The following CPNE7 variants were observed in gnomAD, a reference collection of about 807,000 sequenced individuals.
CPNE7 encodes the protein copine 7, also known as copine-7.
In CPNE7, 78 loss-of-function variants were observed where a neutral mutation model predicts 66.5. The observed-to-expected ratio is 1.17, with a 90% CI of 0.98 to 1.42. The LOEUF (loss-of-function observed/expected upper bound fraction) is 1.42, where lower values mean the gene tolerates loss of function less well. Among genes scored for constraint, CPNE7 ranks in the 40% most tolerant of loss-of-function variants. The pLI, the probability that CPNE7 is intolerant of heterozygous loss-of-function variation, is 0.00. For synonymous variants in CPNE7, 468 were observed against 336.7 expected (o/e 1.39, Z -4.27); for missense variants, 1,012 against 776.6 (o/e 1.30, Z -3.60).
intron 2 of CPNE7, among the ~76,000 whole-genome samples, chr16:89,578,674 C>G (rs1001851079): frequency 6.7e-6 from 1 of 149,558 alleles, no homozygotes; most frequent in Non-Finnish European, 1.5e-5. Context: ...GCAGGAGAAT[C>G]GGTTGAACCC....
chr16:89,596,448 A>G, intron 14 of CPNE7, 36 bp from the exon 15 acceptor site: 1 of 1,577,106 alleles, frequency 6.3e-7, no homozygotes, highest in Non-Finnish European at 8.6e-7. Context: ...TCCATCTCGA[A>G]GGTCCCAGAG....
chr16:89,588,877 TC>T (rs1246314608), intron 10 of CPNE7, 69 bp downstream of exon 10: 38 of 1,576,174 alleles, frequency 2.4e-5, no homozygotes, highest in Non-Finnish European at 3.1e-5. Flanking sequence ...CTGGCCGTCT[TC>T]CCCCTCACCC....
Position 89,587,060 on chromosome 16 carries a change from C to G in CPNE7, c.885C>G (p.Ser295=), listed in dbSNP as rs748223684. The G allele has an allele frequency of 1.9e-6, 3 of 1,580,318 alleles. No individual in the cohort carries two copies. The South Asian group carries it at 3.5e-5, about 18-fold the overall frequency. Residue 295 remains serine, a synonymous_variant, in exon 9 of 15, where the codon TCC becomes TCG. Coordinates refer to ENST00000319518, the MANE Select transcript of CPNE7 (RefSeq NM_153636.3). ...LADLKFHRVY[S]FLDYIMGGCQ... ...GCCGGAAGTTCCACAGGGTGTACTC[C>G]TTCCTGGACTATATCATGGGCGGCT...
chr16:89,595,477 C>T lies in CPNE7; in HGVS notation c.1413C>T (p.Gly471=), dbSNP rs757045883. 41 of 1,612,342 alleles carry T rather than the reference C, an allele frequency of 2.5e-5. No individual in the cohort carries two copies. Among genetic ancestry groups the T allele is most frequent in the African/African-American group, 1.5e-4 (11 of 74,934 alleles). ...TGCCCATGTCCATCATCATCGTGGG[C>T]GTGGGCAACGCCGACTTCACCGACA... ...SRLPMSIIIV[G]VGNADFTDMQ... is the part of the protein sequence containing the mutation. Residue 471 remains glycine (G), a synonymous_variant, in exon 14 of 15, where the codon GGC becomes GGT. Coordinates refer to ENST00000319518, the MANE Select transcript of CPNE7 (RefSeq NM_153636.3).
At chr16:89,587,185 C>CGCCCCCTCAGTCTGTGGCCCCGCCCA in intron 9 of CPNE7, 83 bp downstream of exon 9, 1 of 650,948 alleles carries the variant, frequency 1.5e-6, no homozygotes. Flanking sequence ...GGCCCCGCCC[C>CGCCCCCTCAGTCTGTGGCCCCGCCCA]TCCCCGCCCC....
intron 13 of CPNE7, among the ~76,000 whole-genome samples, chr16:89,594,603 A>C (rs1437289716): frequency 6.9e-6 from 1 of 144,004 alleles, no homozygotes; most frequent in South Asian, 2.2e-4. Flanking sequence ...GGTTTTTTTT[A>C]AACAATGGAA....
chr16:89,587,956 TTACC>T lies in CPNE7; in HGVS notation c.928-718_928-715del, dbSNP rs2059101597. 1.3e-3 allele frequency among the ~76,000 whole-genome samples: 17 copies of T among 12,734 alleles called. 5 individuals are homozygous for T. The highest frequency in any genetic ancestry group is 3.9e-3 in the South Asian group (2 of 514). The allele number at this position is 12,734 out of a possible 152,430, so 8.4% of individuals were successfully genotyped here. On this transcript the variant is annotated intron_variant, in intron 9 of 14. Coordinates refer to ENST00000319518, the MANE Select transcript of CPNE7 (RefSeq NM_153636.3). ...ACCCACAGATACACGGCCCCCCGTGTTACCCACAGATACACGGCCCCCGTGTCAC... is the reference window on the plus strand; with the variant it reads ...ACCCACAGATACACGGCCCCCCGTGTCACAGATACACGGCCCCCGTGTCAC...
chr16:89,580,109 G>A (rs118066878), intron 2 of CPNE7, among the ~76,000 whole-genome samples: 5,399 of 46,994 alleles, frequency 0.11, 2,032 homozygotes, highest in Admixed American at 0.28. Flanking sequence ...CCATCACACA[G>A]AACATCCCGT....
chr16:89,589,777 C>G, intron 10 of CPNE7, 120 bp from the exon 11 acceptor site: 1 of 1,029,340 alleles, frequency 9.7e-7, no homozygotes, highest in Non-Finnish European at 1.5e-6. Flanking sequence ...TGCTTACTGC[C>G]GTGGTACCAG....
Position 89,595,476 on chromosome 16 carries a change from G to T in CPNE7, c.1412G>T (p.Gly471Val). 1 of 1,612,558 alleles carries T rather than the reference G, an allele frequency of 6.2e-7. No individual in the cohort carries two copies. Among genetic ancestry groups the T allele is most frequent in the Non-Finnish European group, 8.5e-7 (1 of 1,179,834 alleles). The change falls in exon 14 of 15, where the codon GGC (glycine) becomes GTC (valine). Residue 471 changes from glycine (G) to valine (V), a missense_variant. Coordinates refer to ENST00000319518, the MANE Select transcript of CPNE7 (RefSeq NM_153636.3). ...CTGCCCATGTCCATCATCATCGTGG[G>T]CGTGGGCAACGCCGACTTCACCGAC... ...SRLPMSIIIVGVGNADFTDMQ... is the reference protein window; with the variant it reads ...SRLPMSIIIVVVGNADFTDMQ...
At chr16:89,593,809 T>A (rs76340841) in intron 13 of CPNE7, among the ~76,000 whole-genome samples, 1,625 of 152,348 alleles carry the variant, frequency 0.011, 32 homozygotes, top group African/African-American at 0.037. Flanking sequence ...CAATCATAAC[T>A]TTCAAAGCAG....
intron 7 of CPNE7, among the ~76,000 whole-genome samples, chr16:89,586,124 C>T (rs1276664101): frequency 1.3e-5 from 2 of 151,934 alleles, no homozygotes; most frequent in East Asian, 3.9e-4. Flanking sequence ...TGTGTTGGCC[C>T]TGCCACAGAG....
chr16:89,586,649 C>G lies in CPNE7; in HGVS notation c.781-21C>G, dbSNP rs766407804. ...GTTCAGAGCCACCACTCTGGGGGGC[C>G]TCTGCTTGTTCCTGCCCCAGGCCCA... On this transcript the variant is annotated intron_variant, in intron 7 of 14. Coordinates refer to ENST00000319518, the MANE Select transcript of CPNE7 (RefSeq NM_153636.3). 5.6e-6 allele frequency: 9 copies of G among 1,605,754 alleles called. No individual in the cohort carries two copies. The Admixed American group carries it at 1.5e-4, about 27-fold the overall frequency.
At position 89,584,267 on chromosome 16, in the gene CPNE7, T is replaced by C. The variant is rs1054077009; in HGVS notation, c.507+165T>C. 3.9e-5 allele frequency among the ~76,000 whole-genome samples: 6 copies of C among 152,148 alleles called. No individual in the cohort carries two copies. The highest frequency in any genetic ancestry group is 7.2e-5 in the African/African-American group (3 of 41,446). ...CTGCCGTCACGGTCGCCATCATCAC[T>C]GTCACCGCCATTAGCTCTCCCGCCC... is the stretch of plus-strand genomic sequence containing the variant. On this transcript the variant is annotated intron_variant, in intron 4 of 14. Transcript: ENST00000319518. This position sits in a 1 kb window ranked among gnomAD's most constrained non-coding sequence, Gnocchi z 6.0.
Position 89,578,928 on chromosome 16 carries a change from C to T in CPNE7, c.357+1207C>T, listed in dbSNP as rs146913973. On this transcript the variant is annotated intron_variant, in intron 2 of 14. Transcript: ENST00000319518. ...ATGTGCTGGGCCCTGCTGGACACTG[C>T]GCTAAGCACTTCCTGTGCTGCACGG... The T allele has an allele frequency of 8.9e-4, 1,438 of 1,613,720 alleles. 3 individuals carry two copies. In the Middle Eastern group the frequency reaches 0.012, roughly 13 times the overall value.
intron 3 of CPNE7, 119 bp downstream of exon 3, chr16:89,583,890 CTACACAGCCCCGGGGG>C: frequency 1.4e-6 from 2 of 1,441,250 alleles, no homozygotes; most frequent in Non-Finnish European, 1.9e-6. Context: ...GAGCCGGCAG[CTACACAGCCCCGGGGG>C]TACACAGACA....
chr16:89,587,569 G>A (rs1292236770), intron 9 of CPNE7: 3 of 435,392 alleles, frequency 6.9e-6, no homozygotes, highest in Non-Finnish European at 1.4e-5. Flanking sequence ...AAACGTGAAC[G>A]AGGAGAAACT....
rs538896562 is a variant in CPNE7 at position 89,576,970 on chromosome 16, A to T, written c.175-569A>T. Among the ~76,000 whole-genome samples, 156 of 152,066 alleles carry T rather than the reference A, an allele frequency of 1.0e-3. 2 individuals are homozygous for T. The highest frequency in any genetic ancestry group is 3.4e-3 in the African/African-American group (141 of 41,516). On this transcript the variant is annotated intron_variant, in intron 1 of 14. Coordinates refer to ENST00000319518, the MANE Select transcript of CPNE7 (RefSeq NM_153636.3). ...CATCCCGAGCCCACCATCCCCACGG[A>T]GGCCTCGTGCCCGCACCCTCAGAGC... is the stretch of plus-strand genomic sequence containing the variant.
chr16:89,578,899 G>T (rs760485243), intron 2 of CPNE7: 2 of 1,613,760 alleles, frequency 1.2e-6, no homozygotes, highest in Non-Finnish European at 1.7e-6. Context: ...GAGAGTGTCT[G>T]TTGATGTGCT....
Sources: allele counts gnomAD v4.1 joint callset (sites outside exome capture counted in the v4.1 genomes callset), GRCh38; gene constraint gnomAD v4.1.1; non-coding constraint Gnocchi (gnomAD v3.1); transcripts MANE v1.5; gene names NCBI Gene and HGNC (gene_info 2026-07-23, HGNC 2026-07-21).